The following PIKFYVE variants were observed in gnomAD, a reference collection of about 807,000 sequenced individuals.
The protein encoded by PIKFYVE is 1-phosphatidylinositol 3-phosphate 5-kinase.
In PIKFYVE, 122 loss-of-function variants were observed where a neutral mutation model predicts 257.9. The observed-to-expected ratio is 0.47, with a 90% CI of 0.41 to 0.55. The LOEUF is 0.55. Ranked by LOEUF, PIKFYVE falls within the 20% of genes least tolerant of loss-of-function variation. The pLI, the probability that PIKFYVE is intolerant of heterozygous loss-of-function variation, is 0.00. For missense variants in PIKFYVE, 2,160 were observed against 2,536.6 expected, an observed-to-expected ratio of 0.85 and a Z score of 3.19; for synonymous variants, 892 against 868.9, an observed-to-expected ratio of 1.03 and a Z score of -0.47.
chr2:208,352,368 T>G (rs1699852420), intron 38 of PIKFYVE, among the ~76,000 whole-genome samples: 1 of 152,032 alleles, frequency 6.6e-6, no homozygotes. Context: ...TTTGAAGTTA[T>G]CATGGTTTAT....
At chr2:208,335,509 T>G in intron 25 of PIKFYVE, 90 bp downstream of exon 25, 1 of 1,125,328 alleles carries the variant, frequency 8.9e-7, no homozygotes, top group Non-Finnish European at 1.3e-6. Context: ...TTTGAAAATG[T>G]AAATTTTCTA....
chr2:208,273,391 A>C (rs1193907845), intron 2 of PIKFYVE, among the ~76,000 whole-genome samples, 193 bp from the exon 3 acceptor site: 10 of 152,192 alleles, frequency 6.6e-5, no homozygotes, highest in African/African-American at 2.4e-4. Flanking sequence ...TGAGGCCAGG[A>C]GTTCAGTACC....
intron 20 of PIKFYVE, among the ~76,000 whole-genome samples, chr2:208,327,007 A>G (rs1697004362): frequency 6.6e-6 from 1 of 152,176 alleles, no homozygotes; most frequent in African/African-American, 2.4e-5. Flanking sequence ...CCATTGCTAG[A>G]TGAGGAAATG....
At chr2:208,283,044 C>T (rs1027241523) in intron 5 of PIKFYVE, among the ~76,000 whole-genome samples, 10 of 152,118 alleles carry the variant, frequency 6.6e-5, no homozygotes, top group Admixed American at 5.9e-4. Flanking sequence ...GCTGCTTGCT[C>T]GCCACTCACC....
chr2:208,332,222 TTAG>T (rs1183797437), intron 23 of PIKFYVE, among the ~76,000 whole-genome samples: 9 of 152,304 alleles, frequency 5.9e-5, no homozygotes, highest in Admixed American at 5.9e-4. Context: ...ATGTTATTCA[TTAG>T]TAGTCAGGTA....
chr2:208,318,060 C>A (rs1351255253), intron 16 of PIKFYVE, 119 bp downstream of exon 16: 5 of 1,055,708 alleles, frequency 4.7e-6, no homozygotes, highest in Non-Finnish European at 7.3e-6. Flanking sequence ...GCAGCTGTGT[C>A]TGCCATAGGG....
intron 15 of PIKFYVE, 71 bp downstream of exon 15, chr2:208,315,444 T>C (rs1695389655): frequency 1.3e-6 from 2 of 1,565,196 alleles, no homozygotes; most frequent in East Asian, 4.5e-5. Context: ...TTTGTCTTAA[T>C]GGTAATCTGA....
intron 12 of PIKFYVE, among the ~76,000 whole-genome samples, chr2:208,310,132 T>C (rs988270438): frequency 6.6e-6 from 1 of 152,150 alleles, no homozygotes; most frequent in Non-Finnish European, 1.5e-5. Flanking sequence ...CTGAGTGTTA[T>C]AGTCAAGATG....
Position 208,325,214 on chromosome 2 carries a change from G to A in PIKFYVE, c.2459-56G>A, listed in dbSNP as rs1281079719. ...TTAAGAGAGTGAATTAATTCTATTT[G>A]TACTTCTGGATTGCCACCTCCACCA... On this transcript the variant is annotated intron_variant, in intron 19 of 41. Transcript: ENST00000264380. 3.8e-6 allele frequency: 6 copies of A among 1,573,034 alleles called. No individual in the cohort carries two copies. In the African/African-American group the frequency reaches 6.8e-5, roughly 18 times the overall value.
intron 12 of PIKFYVE, among the ~76,000 whole-genome samples, chr2:208,306,944 A>AT (rs1435031248): frequency 2.6e-5 from 4 of 151,908 alleles, no homozygotes; most frequent in African/African-American, 9.7e-5. Context: ...TGCCTGGCTA[A>AT]TTTTTTGTAT....
chr2:208,327,310 A>G (rs1213149390), intron 20 of PIKFYVE, among the ~76,000 whole-genome samples: 1 of 152,202 alleles, frequency 6.6e-6, no homozygotes, highest in African/African-American at 2.4e-5. Context: ...TTACACATAC[A>G]TGTATATACC....
chr2:208,298,646 C>T lies in PIKFYVE; in HGVS notation c.917C>T (p.Ala306Val). ...AGKSPARNRS[A>V]SITNLSLDRS... Reference sequence around the variant, plus strand: ...CTTCTTGTTTTTATTTCCAGATCAGCCAGCATTACTAACCTGTCACTGGAT... The same window carrying T: ...CTTCTTGTTTTTATTTCCAGATCAGTCAGCATTACTAACCTGTCACTGGAT... Residue 306 changes from alanine (A) to valine (V), a missense_variant, in exon 8 of 42, where the codon GCC (alanine) becomes GTC (valine). Physicochemically the swap from Ala to Val is moderately conservative, Grantham distance 64. Around this residue, in one of 12 missense-constraint regions of PIKFYVE, gnomAD observed 187 missense variants for 185.6 expected, o/e 1.01. Coordinates refer to ENST00000264380, the MANE Select transcript of PIKFYVE (RefSeq NM_015040.4). 1.2e-6 allele frequency: 2 copies of T among 1,614,038 alleles called. No homozygotes were observed. The highest frequency in any genetic ancestry group is 1.7e-6 in the Non-Finnish European group (2 of 1,179,954).
chr2:208,355,478 G>T lies in PIKFYVE; in HGVS notation c.*173G>T. On this transcript the variant is annotated 3_prime_UTR_variant, in exon 42 of 42. Transcript: ENST00000264380. Reference sequence around the variant, plus strand: ...TGGAATGGTAAAACTCCATGAATTTGCACTTTGGTTTTTGATACCTGTGGA... The same window carrying T: ...TGGAATGGTAAAACTCCATGAATTTTCACTTTGGTTTTTGATACCTGTGGA... 1 of 600,120 alleles carries T rather than the reference G, an allele frequency of 1.7e-6. No individual in the cohort carries two copies. The highest frequency in any genetic ancestry group is 2.9e-6 in the Non-Finnish European group (1 of 344,954). The allele number at this position is 600,120 out of a possible 1,614,324, so 37.2% of individuals were successfully genotyped here.
At chr2:208,352,254 G>T (rs778259460) in intron 38 of PIKFYVE, among the ~76,000 whole-genome samples, 4 of 152,076 alleles carry the variant, frequency 2.6e-5, no homozygotes, top group Admixed American at 2.0e-4. Context: ...GCAGCCAATG[G>T]CCCAGGTTTG....
rs751522214 is a variant in PIKFYVE, at chr2:208,351,331, CAT to C, written c.5612-19_5612-18del. The C allele has an allele frequency of 1.3e-6, 2 of 1,507,482 alleles. No individual in the cohort carries two copies. Among genetic ancestry groups the C allele is most frequent in the South Asian group, 1.1e-5 (1 of 88,954 alleles). The allele number at this position is 1,507,482 out of a possible 1,614,324, so 93.4% of individuals were successfully genotyped here. A position where few individuals can be genotyped will look rare whatever the true frequency, so the allele number is the denominator to read the frequency against. Reference sequence around the variant, plus strand: ...AGTATATATTGTGATTGAGTAAACACATAAAATTTCTGCCTTTTAGATGATAG... The same window carrying C: ...AGTATATATTGTGATTGAGTAAACACAAAATTTCTGCCTTTTAGATGATAG... On this transcript the variant is annotated intron_variant, in intron 37 of 41. Coordinates refer to ENST00000264380, the MANE Select transcript of PIKFYVE (RefSeq NM_015040.4).
intron 38 of PIKFYVE, 44 bp from the exon 39 acceptor site, chr2:208,352,607 AAAT>A (rs1312890224): frequency 1.2e-5 from 19 of 1,599,282 alleles, no homozygotes; most frequent in Non-Finnish European, 2.6e-6. Context: ...ATTAAATTAT[AAAT>A]AACCCTTTTT....
Position 208,325,879 on chromosome 2 carries a change from C to T in PIKFYVE, c.3068C>T (p.Thr1023Ile). The change falls in exon 20 of 42, where the codon ACT becomes ATT. Residue 1023 changes from threonine (T) to isoleucine (I), a missense_variant. Thr to Ile is a moderately conservative substitution (Grantham distance 89). This residue lies in a region of PIKFYVE where 522 missense variants were observed against 514.6 expected (regional missense o/e 1.01). Transcript: ENST00000264380. ...RAFRDPLQDDTGLYVTEEVTS... is the reference protein window; with the variant it reads ...RAFRDPLQDDIGLYVTEEVTS... ...TTTAGAGACCCTCTACAGGATGACACTGGATTATATGTTACTGAGGAAGTC... is the reference window on the plus strand; with the variant it reads ...TTTAGAGACCCTCTACAGGATGACATTGGATTATATGTTACTGAGGAAGTC... 3.1e-6 allele frequency: 5 copies of T among 1,614,084 alleles called. No individual in the cohort carries two copies. Among genetic ancestry groups the T allele is most frequent in the Non-Finnish European group, 4.2e-6 (5 of 1,179,952 alleles).
At chr2:208,291,636 A>G (rs1262857722) in intron 7 of PIKFYVE, among the ~76,000 whole-genome samples, 1 of 152,106 alleles carries the variant, frequency 6.6e-6, no homozygotes, top group African/African-American at 2.4e-5. Flanking sequence ...CCAGTTATTG[A>G]TTCAATTTCT....
intron 38 of PIKFYVE, among the ~76,000 whole-genome samples, chr2:208,352,183 G>A (rs1436540101): frequency 6.6e-6 from 1 of 152,196 alleles, no homozygotes; most frequent in Non-Finnish European, 1.5e-5. Context: ...ATTTTGCTGA[G>A]ACTGAAATTT....
Sources: allele counts gnomAD v4.1 joint callset (sites outside exome capture counted in the v4.1 genomes callset), GRCh38; gene constraint gnomAD v4.1.1; regional missense constraint gnomAD v4.1.1; transcripts MANE v1.5; gene names NCBI Gene and HGNC (gene_info 2026-07-23, HGNC 2026-07-21).